The following MGMT variants were observed in gnomAD, a reference collection of about 807,000 sequenced individuals.
MGMT encodes the protein O-6-methylguanine-DNA methyltransferase.
A neutral mutation model predicts 15.9 loss-of-function variants in MGMT; 14 were observed. The observed-to-expected ratio is 0.88, with a 90% CI of 0.58 to 1.37. The LOEUF is 1.37. Among genes scored for constraint, MGMT ranks in the 40% most tolerant of loss-of-function variants. The pLI, the probability that MGMT is intolerant of heterozygous loss-of-function variation, is 0.00. For synonymous variants in MGMT, 130 were observed against 118.2 expected, an observed-to-expected ratio of 1.10 and a Z score of -0.65; for missense variants, 282 against 268.1, an observed-to-expected ratio of 1.05 and a Z score of -0.36.
intron 1 of MGMT, among the ~76,000 whole-genome samples, chr10:129,512,159 C>A (rs546858552): frequency 2.6e-5 from 4 of 152,262 alleles, no homozygotes; most frequent in African/African-American, 9.6e-5. Flanking sequence ...GTAGAGGCGG[C>A]GAGGTGTTGG....
chr10:129,550,367 C>T (rs1250989094), intron 2 of MGMT, among the ~76,000 whole-genome samples: 3 of 139,464 alleles, frequency 2.2e-5, no homozygotes, highest in African/African-American at 7.7e-5. Context: ...CAGCCACCAC[C>T]GCCACCCAGC....
At chr10:129,737,034 G>A (rs1312483101) in intron 3 of MGMT, among the ~76,000 whole-genome samples, 3 of 151,982 alleles carry the variant, frequency 2.0e-5, no homozygotes, top group African/African-American at 7.3e-5. Flanking sequence ...ACAATTATGT[G>A]TCTTGGAGTT....
rs56321406 is a variant in MGMT at position 129,536,581 on chromosome 10, CACCTCCG to C, written c.125+206_125+212del. ...CCCTGTGTGTTGCCCAGGAGCTCTC[CACCTCCG>C]ATGAACCCAGGGCCGTTCCCTTCAT... is the stretch of plus-strand genomic sequence containing the variant. On this transcript the variant is annotated intron_variant, in intron 2 of 4. Transcript: ENST00000651593. The C allele has an allele frequency of 2.8e-3, 1,611 of 577,036 alleles. 21 individuals carry two copies. The African/African-American group carries it at 0.028, about 10-fold the overall frequency. 35.7% of individuals were successfully genotyped at this position (577,036 alleles called of 1,614,324 possible).
intron 1 of MGMT, among the ~76,000 whole-genome samples, chr10:129,522,484 G>T (rs1407879617): frequency 2.0e-5 from 3 of 152,184 alleles, no homozygotes; most frequent in African/African-American, 7.2e-5. Flanking sequence ...AGTGCTCTTT[G>T]TCCGTAGGAT....
chr10:129,602,595 G>A (rs896570792), intron 2 of MGMT, among the ~76,000 whole-genome samples: 5 of 152,178 alleles, frequency 3.3e-5, no homozygotes, highest in African/African-American at 7.2e-5. Flanking sequence ...AGGATTTCCT[G>A]CTGTCCTTTC....
In MGMT at chr10:129,482,245, T is replaced by C. The variant is rs115797566; in HGVS notation, c.-13+14949T>C. 3.5e-3 allele frequency among the ~76,000 whole-genome samples: 540 copies of C among 152,338 alleles called. 6 individuals carry two copies. Among genetic ancestry groups the C allele is most frequent in the African/African-American group, 0.012 (509 of 41,580 alleles). The stretch of plus-strand genomic sequence containing the variant: ...GTACTTTCCCAGTATTTTTCTGTTA[T>C]TGATCTGCAGGGGTGAGTTACCTTG... On this transcript the variant is annotated intron_variant, in intron 1 of 4. Transcript: ENST00000651593.
intron 2 of MGMT, among the ~76,000 whole-genome samples, chr10:129,687,254 C>G (rs1847914986): frequency 1.3e-5 from 2 of 151,476 alleles, no homozygotes; most frequent in African/African-American, 4.9e-5. Context: ...TTTTTCTAGA[C>G]AGGTGTACAG....
rs1848356000 is a variant in MGMT at position 129,720,390 on chromosome 10, C to T, written c.274+12347C>T. On this transcript the variant is annotated intron_variant, in intron 3 of 4. Transcript: ENST00000651593. ...TCTGGGGAGCCAGCCTCGGCCCCTC[C>T]TGGCTCAGCACAGCCCTCGCGGCCT... Among the ~76,000 whole-genome samples the T allele has an allele frequency of 2.6e-5, 4 of 152,202 alleles. No homozygotes were observed. The South Asian group carries it at 8.3e-4, about 31-fold the overall frequency.
chr10:129,632,090 C>T (rs910500786), intron 2 of MGMT, among the ~76,000 whole-genome samples: 1 of 152,160 alleles, frequency 6.6e-6, no homozygotes, highest in Admixed American at 6.5e-5. Flanking sequence ...GTTTGGATTG[C>T]GTCACACTGC....
At chr10:129,603,140 A>C (rs1846844782) in intron 2 of MGMT, among the ~76,000 whole-genome samples, 1 of 152,256 alleles carries the variant, frequency 6.6e-6, no homozygotes, top group Admixed American at 6.5e-5. Flanking sequence ...CTATCAGCTA[A>C]AATTTTTAAG....
At chr10:129,735,173 T>C (rs1263283021) in intron 3 of MGMT, among the ~76,000 whole-genome samples, 1 of 152,242 alleles carries the variant, frequency 6.6e-6, no homozygotes, top group Non-Finnish European at 1.5e-5. Flanking sequence ...AGAATTCGGC[T>C]GTGAATCCAT....
intron 3 of MGMT, among the ~76,000 whole-genome samples, chr10:129,743,943 G>C (rs1007210510): frequency 6.6e-6 from 1 of 152,196 alleles, no homozygotes. Flanking sequence ...TGGAGGCCCC[G>C]CAGCGCTCAT....
intron 2 of MGMT, among the ~76,000 whole-genome samples, chr10:129,604,738 C>CACG (rs1846867920): frequency 9.3e-6 from 1 of 107,568 alleles, no homozygotes; most frequent in Admixed American, 9.4e-5. Flanking sequence ...CGCCGCCCCA[C>CACG]CCCCTCCCCC....
At chr10:129,581,915 C>T (rs1846560312) in intron 2 of MGMT, among the ~76,000 whole-genome samples, 1 of 152,198 alleles carries the variant, frequency 6.6e-6, no homozygotes, top group Non-Finnish European at 1.5e-5. Flanking sequence ...GGAAAGTGTA[C>T]TCAATCAGCT....
At chr10:129,649,486 G>A (rs1415392634) in intron 2 of MGMT, among the ~76,000 whole-genome samples, 2 of 152,158 alleles carry the variant, frequency 1.3e-5, no homozygotes, top group Non-Finnish European at 2.9e-5. Flanking sequence ...TTTGTCAGTG[G>A]TATTAGGGCG....
At chr10:129,685,857 T>C (rs1301073951) in intron 2 of MGMT, among the ~76,000 whole-genome samples, 1 of 152,234 alleles carries the variant, frequency 6.6e-6, no homozygotes, top group Non-Finnish European at 1.5e-5. Context: ...TCTGGGTTTC[T>C]AAGTAATTGA....
At chr10:129,507,258 A>G (rs1845635314) in intron 1 of MGMT, among the ~76,000 whole-genome samples, 1 of 152,084 alleles carries the variant, frequency 6.6e-6, no homozygotes, top group South Asian at 2.1e-4. Flanking sequence ...CATTTATCCC[A>G]TGTCCTTGGG....
At chr10:129,630,775 G>A (rs1847201109) in intron 2 of MGMT, among the ~76,000 whole-genome samples, 2 of 152,210 alleles carry the variant, frequency 1.3e-5, no homozygotes, top group African/African-American at 2.4e-5. Flanking sequence ...CAATTACTGA[G>A]TAAAGTGCCA....
chr10:129,626,428 C>T (rs1349606522), intron 2 of MGMT, among the ~76,000 whole-genome samples: 1 of 152,120 alleles, frequency 6.6e-6, no homozygotes, highest in South Asian at 2.1e-4. Flanking sequence ...TCCGGCAGCA[C>T]GTGTGAGTTT....
Sources: gnomAD v4.1 joint callset for allele counts (sites outside exome capture counted in the v4.1 genomes callset) on GRCh38, gnomAD v4.1.1 for gene constraint, MANE v1.5 for transcripts, NCBI Gene and HGNC (gene_info 2026-07-23, HGNC 2026-07-21) for gene names.